The following NAALADL2 variants were observed in gnomAD, a reference collection of about 807,000 sequenced individuals.
The protein encoded by NAALADL2 is N-acetylated alpha-linked acidic dipeptidase like 2.
Under a neutral mutation model 87.2 loss-of-function variants are expected in NAALADL2, and 76 were observed. The observed-to-expected ratio is 0.87, with a 90% CI of 0.72 to 1.05. NAALADL2 has a LOEUF of 1.05. Ranked by LOEUF, NAALADL2 falls within the 50% of genes least tolerant of loss-of-function variation. NAALADL2 has a pLI of 0.00. For synonymous variants in NAALADL2, 354 were observed against 331.0 expected (o/e 1.07, Z -0.75); for missense variants, 1,089 against 945.8 (o/e 1.15, Z -1.99).
chr3:175,274,602 G>T (rs996778651), intron 4 of NAALADL2, among the ~76,000 whole-genome samples: 1 of 152,170 alleles, frequency 6.6e-6, no homozygotes, highest in Non-Finnish European at 1.5e-5. Context: ...GGAACCTAGT[G>T]CTCAATGGCT....
intron 1 of NAALADL2, among the ~76,000 whole-genome samples, chr3:174,958,787 C>A (rs1741526245): frequency 6.6e-6 from 1 of 151,984 alleles, no homozygotes; most frequent in African/African-American, 2.4e-5. Context: ...TGCTTACATT[C>A]AATCAGTGCG....
chr3:175,191,148 G>GCTA (rs1247211564), intron 2 of NAALADL2, among the ~76,000 whole-genome samples: 1 of 151,962 alleles, frequency 6.6e-6, no homozygotes, highest in East Asian at 1.9e-4. Flanking sequence ...AGGAGGGAGG[G>GCTA]CTAACTATGT....
intron 1 of NAALADL2, among the ~76,000 whole-genome samples, chr3:175,091,197 A>G (rs1720056223): frequency 6.6e-6 from 1 of 152,106 alleles, no homozygotes; most frequent in South Asian, 2.1e-4. Context: ...TCTTAAACTT[A>G]GATTTAAAAA....
chr3:175,578,121 G>A (rs1048668364), intron 10 of NAALADL2, among the ~76,000 whole-genome samples: 7 of 151,914 alleles, frequency 4.6e-5, no homozygotes, highest in African/African-American at 1.7e-4. Context: ...TAAAAAATCC[G>A]TATCTTATTA....
intron 10 of NAALADL2, among the ~76,000 whole-genome samples, chr3:175,610,940 A>G (rs1341523842): frequency 6.6e-6 from 1 of 152,080 alleles, no homozygotes; most frequent in Non-Finnish European, 1.5e-5. Flanking sequence ...GTATATGCAA[A>G]TATAATAACA....
At chr3:175,523,852 G>A (rs531502795) in intron 9 of NAALADL2, among the ~76,000 whole-genome samples, 156 of 152,278 alleles carry the variant, frequency 1.0e-3, no homozygotes, top group Admixed American at 2.9e-3. Context: ...TGCTTTATGA[G>A]GAAGTTAAGT....
intron 11 of NAALADL2, among the ~76,000 whole-genome samples, chr3:175,700,436 T>C (rs762944981): frequency 6.6e-6 from 1 of 152,186 alleles, no homozygotes; most frequent in Non-Finnish European, 1.5e-5. Context: ...AGAGGTGTTC[T>C]GTTAGGAAGA....
At position 175,100,914 on chromosome 3, in the gene NAALADL2, A is replaced by G. The variant is rs189820403; in HGVS notation, c.545+3623A>G. Among the ~76,000 whole-genome samples, 46 of 151,942 alleles carry G rather than the reference A, an allele frequency of 3.0e-4. 1 individual carries two copies. Among genetic ancestry groups the G allele is most frequent in the East Asian group, 1.9e-4 (1 of 5,150 alleles). On this transcript the variant is annotated intron_variant, in intron 2 of 13. Coordinates refer to ENST00000454872, the MANE Select transcript of NAALADL2 (RefSeq NM_207015.3). ...GTGGCGTACGGCAAATCATATTTCA[A>G]TGGATTCTATCTGGGTTGAGAGGGA...
intron 11 of NAALADL2, among the ~76,000 whole-genome samples, chr3:175,690,357 AG>A: frequency 6.6e-6 from 1 of 152,202 alleles, no homozygotes; most frequent in South Asian, 2.1e-4. Flanking sequence ...ACATCGTAAG[AG>A]GGTCAGAAGA....
chr3:174,802,641 C>T (rs1030120478), intron 3 of NAALADL2, among the ~76,000 whole-genome samples: 1 of 152,172 alleles, frequency 6.6e-6, no homozygotes, highest in Non-Finnish European at 1.5e-5. Context: ...CAGCCCACCA[C>T]CTCCCGACAG....
At chr3:175,787,438 G>A (rs1048623048) in intron 13 of NAALADL2, among the ~76,000 whole-genome samples, 4 of 152,168 alleles carry the variant, frequency 2.6e-5, no homozygotes, top group South Asian at 2.1e-4. Context: ...AAGCCGGTCC[G>A]AAAAGCACAA....
rs1228695123 is a variant in NAALADL2, at chr3:175,471,694, C to T, written c.1589C>T (p.Pro530Leu). 8.2e-6 allele frequency: 13 copies of T among 1,595,060 alleles called. No homozygotes were observed. The highest frequency in any genetic ancestry group is 5.4e-5 in the African/African-American group (4 of 74,430). Residue 530 changes from proline (P) to leucine (L), a missense_variant, in exon 9 of 14, where the codon CCC becomes CTC. Physicochemically the swap from Pro to Leu is moderately conservative, Grantham distance 98. Transcript: ENST00000454872. ...NVVAYISLHS[P>L]IRGNSSLYPV... is the part of the protein sequence containing the mutation. ...GTGGCTTATATTAGCCTCCACAGTC[C>T]CATAAGGGGGAACTCTAGTCTGTAT...
At chr3:175,605,965 A>G (rs1025243245) in intron 10 of NAALADL2, among the ~76,000 whole-genome samples, 2 of 152,184 alleles carry the variant, frequency 1.3e-5, no homozygotes, top group African/African-American at 4.8e-5. Flanking sequence ...AATATTTGTC[A>G]CAAGACTGGT....
At chr3:175,626,881 C>G (rs1727059714) in intron 10 of NAALADL2, among the ~76,000 whole-genome samples, 1 of 151,770 alleles carries the variant, frequency 6.6e-6, no homozygotes, top group African/African-American at 2.4e-5. Context: ...AAATGTTTCT[C>G]AAATTATTGT....
intron 1 of NAALADL2, among the ~76,000 whole-genome samples, chr3:174,956,867 A>G (rs1741222064): frequency 6.6e-6 from 1 of 152,090 alleles, no homozygotes; most frequent in African/African-American, 2.4e-5. Context: ...GAGAAACAGA[A>G]CAGTATTTTG....
intron 1 of NAALADL2, among the ~76,000 whole-genome samples, chr3:175,023,661 A>G (rs1335660316): frequency 6.6e-6 from 1 of 152,118 alleles, no homozygotes; most frequent in Non-Finnish European, 1.5e-5. Context: ...TAATTTTATA[A>G]CAAATATATT....
At chr3:174,730,122 T>C (rs900402239) in intron 2 of NAALADL2, among the ~76,000 whole-genome samples, 1 of 152,098 alleles carries the variant, frequency 6.6e-6, no homozygotes, top group Admixed American at 6.6e-5. Flanking sequence ...ACTGACTCCT[T>C]GTTTCATTCT....
chr3:174,555,818 C>T (rs537248656), intron 2 of NAALADL2, among the ~76,000 whole-genome samples: 1 of 152,112 alleles, frequency 6.6e-6, no homozygotes, highest in African/African-American at 2.4e-5. Flanking sequence ...CTTTTACGGC[C>T]AGTTCTCAGA....
intron 9 of NAALADL2, among the ~76,000 whole-genome samples, chr3:175,570,004 G>A (rs4292240): frequency 0.65 from 98,071 of 152,028 alleles, 34,226 homozygotes; most frequent in East Asian, 0.84. Flanking sequence ...AGAGATCTGC[G>A]GTTGGAAAGA....
Sources: allele counts gnomAD v4.1 joint callset (sites outside exome capture counted in the v4.1 genomes callset), GRCh38; gene constraint gnomAD v4.1.1; transcripts MANE v1.5; gene names NCBI Gene and HGNC (gene_info 2026-07-23, HGNC 2026-07-21).